HIBADH: variants seen among roughly 807,000 people sequenced by gnomAD.
HIBADH encodes the protein 3-hydroxyisobutyrate dehydrogenase, mitochondrial.
HIBADH carries 25 observed loss-of-function variants against 36.1 expected under a neutral mutation model. The observed-to-expected ratio is 0.69, with a 90% CI of 0.50 to 0.97. The LOEUF is 0.97. Ranked by LOEUF, HIBADH falls within the 50% of genes least tolerant of loss-of-function variation. HIBADH has a pLI of 0.00. For synonymous variants in HIBADH, 160 were observed against 149.5 expected (o/e 1.07, Z -0.51); for missense variants, 421 against 418.0 (o/e 1.01, Z -0.06).
At chr7:27,532,681 G>T (rs1004782003) in intron 6 of HIBADH, among the ~76,000 whole-genome samples, 4 of 152,170 alleles carry the variant, frequency 2.6e-5, no homozygotes, top group Non-Finnish European at 1.5e-5. Context: ...TTTTACTAAG[G>T]ATTGTAACAG....
intron 2 of HIBADH, among the ~76,000 whole-genome samples, chr7:27,641,106 A>C (rs565843947): frequency 6.6e-6 from 1 of 152,332 alleles, no homozygotes; most frequent in East Asian, 1.9e-4. Context: ...AGAAAAGAAA[A>C]GAATCTGGCT....
At chr7:27,614,099 T>C (rs1184518027) in intron 4 of HIBADH, among the ~76,000 whole-genome samples, 2 of 152,192 alleles carry the variant, frequency 1.3e-5, no homozygotes, top group East Asian at 3.9e-4. Flanking sequence ...AAACTGGTAA[T>C]GAGGAGTTCC....
chr7:27,647,010 T>G (rs1786085473), intron 2 of HIBADH, among the ~76,000 whole-genome samples: 1 of 152,134 alleles, frequency 6.6e-6, no homozygotes, highest in Non-Finnish European at 1.5e-5. Flanking sequence ...TTTCTTTATA[T>G]ATACACTCCT....
chr7:27,638,764 A>C (rs984832908), intron 2 of HIBADH, among the ~76,000 whole-genome samples: 3 of 152,212 alleles, frequency 2.0e-5, no homozygotes, highest in African/African-American at 7.2e-5. Flanking sequence ...AAACAACTGC[A>C]TTAAAGAGTA....
intron 3 of HIBADH, among the ~76,000 whole-genome samples, 162 bp from the exon 4 acceptor site, chr7:27,629,654 T>C (rs1785713227): frequency 6.6e-6 from 1 of 152,116 alleles, no homozygotes; most frequent in Non-Finnish European, 1.5e-5. Flanking sequence ...AAAATCTCAT[T>C]CTTTTTGAGA....
intron 4 of HIBADH, among the ~76,000 whole-genome samples, chr7:27,548,634 T>A (rs2128185138): frequency 6.6e-6 from 1 of 152,286 alleles, no homozygotes; most frequent in African/African-American, 2.4e-5. Flanking sequence ...TTTTCTGTTA[T>A]ATTCAGAAAC....
At chr7:27,622,879 T>C (rs913363570) in intron 4 of HIBADH, among the ~76,000 whole-genome samples, 1 of 152,110 alleles carries the variant, frequency 6.6e-6, no homozygotes, top group African/African-American at 2.4e-5. Flanking sequence ...TCCCAAAAAC[T>C]GAAATGGGGA....
At chr7:27,602,697 A>C (rs1785151543) in intron 4 of HIBADH, among the ~76,000 whole-genome samples, 1 of 152,166 alleles carries the variant, frequency 6.6e-6, no homozygotes, top group Non-Finnish European at 1.5e-5. Flanking sequence ...CTTTAAAAAA[A>C]ATTTTTTTAA....
intron 4 of HIBADH, among the ~76,000 whole-genome samples, chr7:27,587,075 T>C (rs915940351): frequency 1.3e-5 from 2 of 152,260 alleles, no homozygotes; most frequent in African/African-American, 4.8e-5. Flanking sequence ...AGCCTTGTTA[T>C]GCAAATTCAA....
Position 27,631,198 on chromosome 7 carries a change from C to G in HIBADH, c.362+1138G>C, listed in dbSNP as rs567157777. On this transcript the variant is annotated intron_variant, in intron 3 of 7. Transcript: ENST00000265395. ...AGTAACTTTTCTTTCAGAGGTAAAG[C>G]AGGACCATAACTGTAACAGGCTAGG... Among the ~76,000 whole-genome samples, 32 of 152,278 alleles carry G rather than the reference C, an allele frequency of 2.1e-4. No individual in the cohort carries two copies. The South Asian group carries it at 6.0e-3, about 29-fold the overall frequency.
intron 4 of HIBADH, among the ~76,000 whole-genome samples, chr7:27,572,657 C>A (rs929774348): frequency 6.6e-6 from 1 of 152,122 alleles, no homozygotes; most frequent in Non-Finnish European, 1.5e-5. Flanking sequence ...TACTTGAAAT[C>A]TCTAGATCAC....
At chr7:27,641,501 G>A (rs1356555166) in intron 2 of HIBADH, among the ~76,000 whole-genome samples, 1 of 152,098 alleles carries the variant, frequency 6.6e-6, no homozygotes, top group African/African-American at 2.4e-5. Flanking sequence ...GTGGCAAAAA[G>A]TTTCAGAGTT....
chr7:27,628,542 A>G (rs1215669999), intron 4 of HIBADH, among the ~76,000 whole-genome samples: 1 of 152,114 alleles, frequency 6.6e-6, no homozygotes, highest in African/African-American at 2.4e-5. Flanking sequence ...CAAACTACCC[A>G]GATACCTGCT....
At chr7:27,612,715 C>G (rs1486405209) in intron 4 of HIBADH, among the ~76,000 whole-genome samples, 1 of 151,622 alleles carries the variant, frequency 6.6e-6, no homozygotes, top group Admixed American at 6.6e-5. Context: ...AGGAGGATCA[C>G]TTGGGCCTAA....
intron 4 of HIBADH, among the ~76,000 whole-genome samples, chr7:27,558,999 A>G (rs1405202798): frequency 6.6e-6 from 1 of 152,180 alleles, no homozygotes; most frequent in Non-Finnish European, 1.5e-5. Flanking sequence ...CCTGGAGGCT[A>G]GAAGTCTCAG....
chr7:27,564,454 T>C (rs1784511905), intron 4 of HIBADH, among the ~76,000 whole-genome samples: 1 of 152,200 alleles, frequency 6.6e-6, no homozygotes, highest in African/African-American at 2.4e-5. Context: ...GAATTGCCTT[T>C]GCACATTTGT....
intron 4 of HIBADH, among the ~76,000 whole-genome samples, chr7:27,623,942 C>T (rs1046333438): frequency 6.6e-6 from 1 of 152,130 alleles, no homozygotes; most frequent in Non-Finnish European, 1.5e-5. Context: ...GGACAACAGG[C>T]GCATGCCACC....
intron 1 of HIBADH, among the ~76,000 whole-genome samples, chr7:27,650,213 T>G (rs1472804577): frequency 6.6e-6 from 1 of 150,444 alleles, no homozygotes; most frequent in Non-Finnish European, 1.5e-5. Flanking sequence ...TGGACCAGCT[T>G]CAAGAATGGA....
At chr7:27,582,333 G>A (rs1397316231) in intron 4 of HIBADH, among the ~76,000 whole-genome samples, 4 of 152,108 alleles carry the variant, frequency 2.6e-5, no homozygotes, top group South Asian at 2.1e-4. Context: ...TGCAGAAATT[G>A]TTGGTGTTTT....
Sources: gnomAD v4.1 joint callset for allele counts (sites outside exome capture counted in the v4.1 genomes callset) on GRCh38, gnomAD v4.1.1 for gene constraint, MANE v1.5 for transcripts, NCBI Gene and HGNC (gene_info 2026-07-23, HGNC 2026-07-21) for gene names.